The following CNTN6 variants were observed in gnomAD, a reference collection of about 807,000 sequenced individuals.
The protein encoded by CNTN6 is contactin 6.
In CNTN6, 137 loss-of-function variants were observed where a neutral mutation model predicts 122.8. The observed-to-expected ratio is 1.12, with a 90% CI of 0.97 to 1.29. CNTN6 has a LOEUF of 1.29. CNTN6 is among the 50% of genes most tolerant of loss of function. The pLI is 0.00. For synonymous variants in CNTN6, 570 were observed against 426.0 expected (o/e 1.34, Z -4.16); for missense variants, 1,634 against 1,223.4 (o/e 1.34, Z -5.01).
chr3:1,277,363 T>C (rs3852026), intron 4 of CNTN6, among the ~76,000 whole-genome samples: 1 of 124,990 alleles, frequency 8.0e-6, no homozygotes. Flanking sequence ...TTTTTTTTTT[T>C]TTTTTTTTTT....
chr3:1,250,942 T>G (rs1201068458), intron 4 of CNTN6, among the ~76,000 whole-genome samples: 1 of 151,792 alleles, frequency 6.6e-6, no homozygotes, highest in Non-Finnish European at 1.5e-5. Context: ...CTCCCTCATA[T>G]CTAATTCCTT....
rs1421680636 is a variant in CNTN6 at position 1,342,350 on chromosome 3, G to A, written c.1365-9974G>A. Among the ~76,000 whole-genome samples, 11 of 152,042 alleles carry A rather than the reference G, an allele frequency of 7.2e-5. 1 individual carries two copies. Among genetic ancestry groups the A allele is most frequent in the African/African-American group, 2.4e-4 (10 of 41,390 alleles). ...TCACCATGTTGTTCAGGCTGGTCTCGAACTCCTGACCTAGTTATCTGCCCA... is the reference window on the plus strand; with the variant it reads ...TCACCATGTTGTTCAGGCTGGTCTCAAACTCCTGACCTAGTTATCTGCCCA... On this transcript the variant is annotated intron_variant, in intron 11 of 22. Transcript: ENST00000446702.
intron 4 of CNTN6, among the ~76,000 whole-genome samples, chr3:1,240,101 C>T (rs2094463969): frequency 6.6e-6 from 1 of 152,134 alleles, no homozygotes; most frequent in Non-Finnish European, 1.5e-5. Context: ...CACTTCCAGA[C>T]ATTGGCTTAG....
intron 4 of CNTN6, among the ~76,000 whole-genome samples, chr3:1,274,840 A>G (rs956171980): frequency 3.7e-4 from 57 of 152,294 alleles, no homozygotes; most frequent in African/African-American, 1.2e-3. Context: ...AGTAATTACC[A>G]ATATTCTAGG....
In CNTN6 at chr3:1,402,431, C is replaced by T; in HGVS notation, c.2931C>T (p.Val977=). Residue 977 remains valine (V), a synonymous_variant, in exon 22 of 23, where the codon GTC becomes GTT. Transcript: ENST00000446702. ...ACTACTTAATTGAAATAAGAACAGTCAGTGATGGTGGAGATGGAAGCAGCA... is the reference window on the plus strand; with the variant it reads ...ACTACTTAATTGAAATAAGAACAGTTAGTGATGGTGGAGATGGAAGCAGCA... ...EEDYLIEIRT[V]SDGGDGSSSE... 1 of 1,612,130 alleles carries T rather than the reference C, an allele frequency of 6.2e-7. No homozygotes were observed. The highest frequency in any genetic ancestry group is 2.2e-5 in the East Asian group (1 of 44,820).
At chr3:1,200,383 CT>C (rs1273508829) in intron 2 of CNTN6, among the ~76,000 whole-genome samples, 4 of 152,160 alleles carry the variant, frequency 2.6e-5, no homozygotes, top group African/African-American at 9.7e-5. Flanking sequence ...CTACTGAGCA[CT>C]GCGTGGGCTT....
At chr3:1,299,172 T>C (rs959962367) in intron 7 of CNTN6, among the ~76,000 whole-genome samples, 1 of 152,170 alleles carries the variant, frequency 6.6e-6, no homozygotes, top group Admixed American at 6.5e-5. Flanking sequence ...TAAATAATTA[T>C]TGATTGATTA....
At chr3:1,253,384 G>C (rs1389631914) in intron 4 of CNTN6, among the ~76,000 whole-genome samples, 1 of 152,088 alleles carries the variant, frequency 6.6e-6, no homozygotes, top group African/African-American at 2.4e-5. Context: ...GGAATAAATA[G>C]TTATTGGTGT....
chr3:1,275,035 C>CT (rs1231792260), intron 4 of CNTN6, among the ~76,000 whole-genome samples: 1 of 152,168 alleles, frequency 6.6e-6, no homozygotes, highest in Non-Finnish European at 1.5e-5. Context: ...AGCAAAAACT[C>CT]TGCAGTCCAT....
At chr3:1,319,063 T>C (rs993494579) in intron 7 of CNTN6, among the ~76,000 whole-genome samples, 2 of 151,692 alleles carry the variant, frequency 1.3e-5, no homozygotes, top group East Asian at 3.9e-4. Context: ...CACTGAGTTA[T>C]TTTTCTTTGG....
intron 5 of CNTN6, among the ~76,000 whole-genome samples, chr3:1,282,520 T>C (rs1188852882): frequency 6.6e-6 from 1 of 152,228 alleles, no homozygotes; most frequent in Non-Finnish European, 1.5e-5. Context: ...AGAGATGGGT[T>C]TTGTGATTGT....
At chr3:1,207,358 C>T (rs1285863935) in intron 2 of CNTN6, among the ~76,000 whole-genome samples, 1 of 152,116 alleles carries the variant, frequency 6.6e-6, no homozygotes, top group African/African-American at 2.4e-5. Context: ...AATTATTATA[C>T]ATCTATACCA....
At chr3:1,400,954 C>T (rs771397888) in intron 20 of CNTN6, among the ~76,000 whole-genome samples, 14 of 152,070 alleles carry the variant, frequency 9.2e-5, no homozygotes, top group Non-Finnish European at 1.8e-4. Flanking sequence ...AAATATTTTG[C>T]TTAAAATATC....
At chr3:1,245,218 ATATATATATATATATATACACAC>A (rs1351084772) in intron 4 of CNTN6, among the ~76,000 whole-genome samples, 291 of 23,444 alleles carry the variant, frequency 0.012, 33 homozygotes, top group African/African-American at 0.034. Context: ...ATATATATAT[ATATATATATATATATATACACAC>A]ACACATATAT....
intron 7 of CNTN6, among the ~76,000 whole-genome samples, chr3:1,306,220 C>T (rs1348318186): frequency 6.6e-6 from 1 of 152,152 alleles, no homozygotes; most frequent in African/African-American, 2.4e-5. Context: ...ACCCCATTCA[C>T]TCCAGAAATG....
At chr3:1,360,142 A>C (rs1199232491) in intron 12 of CNTN6, among the ~76,000 whole-genome samples, 1 of 151,928 alleles carries the variant, frequency 6.6e-6, no homozygotes, top group Non-Finnish European at 1.5e-5. Flanking sequence ...CTGTGTTTAC[A>C]TTTTATTAGT....
At chr3:1,098,785 CACACATATAT>C (rs1210996169) in intron 1 of CNTN6, among the ~76,000 whole-genome samples, 7 of 49,574 alleles carry the variant, frequency 1.4e-4, no homozygotes, top group East Asian at 6.8e-4. Flanking sequence ...CACACACACA[CACACATATAT>C]ATATATATAT....
intron 1 of CNTN6, among the ~76,000 whole-genome samples, chr3:1,094,352 A>T (rs919347722): frequency 2.6e-5 from 4 of 151,166 alleles, no homozygotes; most frequent in Non-Finnish European, 4.4e-5. Context: ...CAATTTGTGT[A>T]AAAAAAAAGA....
intron 17 of CNTN6, among the ~76,000 whole-genome samples, chr3:1,380,731 T>C (rs1691738750): frequency 6.6e-6 from 1 of 152,180 alleles, no homozygotes; most frequent in Non-Finnish European, 1.5e-5. Context: ...TGTGGGTGTG[T>C]CTCAAAACCT....
Sources: gnomAD v4.1 joint callset for allele counts (sites outside exome capture counted in the v4.1 genomes callset) on GRCh38, gnomAD v4.1.1 for gene constraint, MANE v1.5 for transcripts, NCBI Gene and HGNC (gene_info 2026-07-23, HGNC 2026-07-21) for gene names.